DCT: variants seen among roughly 807,000 people sequenced by gnomAD.
The protein encoded by DCT is L-dopachrome tautomerase.
A neutral mutation model predicts 53.0 loss-of-function variants in DCT; 47 were observed. The ratio of observed to expected loss-of-function variants is 0.89; its 90% confidence interval spans 0.70 to 1.13. The LOEUF (loss-of-function observed/expected upper bound fraction) is 1.13, where lower values mean the gene tolerates loss of function less well. Among genes scored for constraint, DCT ranks in the 50% most tolerant of loss-of-function variants. The pLI is 0.00. For missense variants in DCT, 669 were observed against 637.4 expected (o/e 1.05, Z -0.53); for synonymous variants, 244 against 237.0 (o/e 1.03, Z -0.27).
the DCT span, among the ~76,000 whole-genome samples, chr13:94,504,524 T>G: frequency 9.2e-5 from 14 of 152,204 alleles, no homozygotes; most frequent in East Asian, 2.7e-3. Context: ...CCTGCCACAA[T>G]GCCCGGCTAA....
chr13:94,489,679 C>T, the DCT span, among the ~76,000 whole-genome samples: 1 of 151,988 alleles, frequency 6.6e-6, no homozygotes, highest in Admixed American at 6.6e-5. Flanking sequence ...TTTCAATGGA[C>T]AGCCAGGAAG....
the DCT span, among the ~76,000 whole-genome samples, chr13:94,519,327 G>A: frequency 6.6e-6 from 1 of 152,116 alleles, no homozygotes; most frequent in East Asian, 1.9e-4. Flanking sequence ...AACAGTGCTT[G>A]GGCCCTAGTA....
the DCT span, among the ~76,000 whole-genome samples, chr13:94,513,031 A>C: frequency 6.6e-6 from 1 of 152,238 alleles, no homozygotes; most frequent in Non-Finnish European, 1.5e-5. Context: ...GAACTTTTTC[A>C]GAGAACGTGC....
At chr13:94,502,678 G>A in the DCT span, among the ~76,000 whole-genome samples, 1 of 151,974 alleles carries the variant, frequency 6.6e-6, no homozygotes, top group African/African-American at 2.4e-5. Flanking sequence ...TCAGCTTCTA[G>A]GTACCTCATT....
At chr13:94,453,925 C>A (rs1286385313) in intron 6 of DCT, among the ~76,000 whole-genome samples, 1 of 152,094 alleles carries the variant, frequency 6.6e-6, no homozygotes, top group African/African-American at 2.4e-5. Context: ...TACACCTATC[C>A]TTCTTTTTTT....
rs1250988287 is a variant in DCT, at chr13:94,443,477, G to A, written c.1340C>T (p.Thr447Ile). 1 of 1,614,026 alleles carries A rather than the reference G, an allele frequency of 6.2e-7. No homozygotes were observed. ...PPVTNEELFL[T>I]SDQLGYSYAI... ...ATAGCTGTAGCCAAGTTGGTCTGAGGTTAAAAAGAGTTCTTCATTAGTCAC... is the reference window on the plus strand; with the variant it reads ...ATAGCTGTAGCCAAGTTGGTCTGAGATTAAAAAGAGTTCTTCATTAGTCAC... The change falls in exon 7 of 8, where the codon ACC becomes ATC. Residue 447 changes from threonine (T) to isoleucine (I), a missense_variant. Physicochemically the swap from Thr to Ile is moderately conservative, Grantham distance 89. Transcript: ENST00000377028.
the DCT span, among the ~76,000 whole-genome samples, chr13:94,541,626 C>T: frequency 6.6e-6 from 1 of 152,102 alleles, no homozygotes; most frequent in South Asian, 2.1e-4. Context: ...TTAAAAACTG[C>T]AATTACTTCT....
the DCT span, among the ~76,000 whole-genome samples, chr13:94,503,391 G>A: frequency 6.7e-6 from 1 of 149,354 alleles, no homozygotes; most frequent in African/African-American, 2.5e-5. Context: ...AAGGAGGGAA[G>A]GGAAGGAGAG....
chr13:94,455,623 AT>A, intron 6 of DCT, among the ~76,000 whole-genome samples: 1 of 152,360 alleles, frequency 6.6e-6, no homozygotes, highest in East Asian at 1.9e-4. Flanking sequence ...AACAGAAAAC[AT>A]CTGGCCTCCA....
At chr13:94,463,203 C>A (rs1040222451) in intron 4 of DCT, among the ~76,000 whole-genome samples, 9 of 151,854 alleles carry the variant, frequency 5.9e-5, no homozygotes, top group African/African-American at 1.9e-4. Flanking sequence ...GTGGCATGAT[C>A]ACAGCTGACT....
intron 1 of DCT, among the ~76,000 whole-genome samples, chr13:94,473,042 T>C (rs924481031): frequency 2.6e-5 from 4 of 152,166 alleles, no homozygotes; most frequent in African/African-American, 9.7e-5. Flanking sequence ...AAGGGCCTAG[T>C]TGATGCTAAA....
chr13:94,535,942 A>G, the DCT span, among the ~76,000 whole-genome samples: 2 of 152,262 alleles, frequency 1.3e-5, no homozygotes, highest in African/African-American at 2.4e-5. Flanking sequence ...TAGAGGCTCT[A>G]TGGTTAACTA....
upstream of DCT, among the ~76,000 whole-genome samples, chr13:94,481,114 G>T (rs1488266226): frequency 6.6e-6 from 1 of 152,156 alleles, no homozygotes; most frequent in Non-Finnish European, 1.5e-5. Flanking sequence ...ACAGCCCCAT[G>T]GCCTTCTCCC....
At chr13:94,543,623 C>G in the DCT span, among the ~76,000 whole-genome samples, 1 of 152,040 alleles carries the variant, frequency 6.6e-6, no homozygotes, top group South Asian at 2.1e-4. Context: ...ATCAAATTAC[C>G]CTTAGCTTCT....
chr13:94,463,970 A>G (rs1883988059), intron 4 of DCT, among the ~76,000 whole-genome samples: 1 of 152,218 alleles, frequency 6.6e-6, no homozygotes. Flanking sequence ...GGAAAGCTTG[A>G]CGACATTCTA....
chr13:94,461,244 C>A (rs1328913387), intron 5 of DCT, among the ~76,000 whole-genome samples: 2 of 152,200 alleles, frequency 1.3e-5, no homozygotes, highest in African/African-American at 2.4e-5. Flanking sequence ...GTTGTTAAGA[C>A]ACAGCCTACA....
At chr13:94,457,384 A>G (rs1265869700) in intron 6 of DCT, among the ~76,000 whole-genome samples, 1 of 152,200 alleles carries the variant, frequency 6.6e-6, no homozygotes, top group East Asian at 1.9e-4. Flanking sequence ...TCCCTCCACT[A>G]TATGAGGATG....
the DCT span, among the ~76,000 whole-genome samples, chr13:94,543,701 T>C: frequency 6.6e-6 from 1 of 152,192 alleles, no homozygotes; most frequent in African/African-American, 2.4e-5. Context: ...CATGTTGTTA[T>C]TCTTTGTTAA....
chr13:94,491,202 G>A, the DCT span, among the ~76,000 whole-genome samples: 7 of 152,130 alleles, frequency 4.6e-5, no homozygotes, highest in Non-Finnish European at 8.8e-5. Context: ...ACGGTCCTGG[G>A]GCTAAAAGTC....
Sources: allele counts gnomAD v4.1 joint callset (sites outside exome capture counted in the v4.1 genomes callset), GRCh38; gene constraint gnomAD v4.1.1; transcripts MANE v1.5; gene names NCBI Gene and HGNC (gene_info 2026-07-23, HGNC 2026-07-21).